ARHGEF9: variants seen among roughly 807,000 people sequenced by gnomAD.
ARHGEF9 encodes the protein rho guanine nucleotide exchange factor 9.
In ARHGEF9, 2 loss-of-function variants were observed where a neutral mutation model predicts 41.3. That is an observed-to-expected ratio of 0.05 (90% CI 0.02 to 0.15). The LOEUF (loss-of-function observed/expected upper bound fraction) is 0.15, where lower values mean the gene tolerates loss of function less well. Among genes scored for constraint, ARHGEF9 ranks in the 10% least tolerant of loss-of-function variants. The pLI is 1.00. For missense variants in ARHGEF9, 225 were observed against 424.7 expected, an observed-to-expected ratio of 0.53 and a Z score of 4.13; for synonymous variants, 160 against 154.4, an observed-to-expected ratio of 1.04 and a Z score of -0.27.
chrX:63,663,760 C>G (rs1211390316), intron 7 of ARHGEF9, among the ~76,000 whole-genome samples: 2 of 112,227 alleles, frequency 1.8e-5, no homozygotes, highest in African/African-American at 6.5e-5. Flanking sequence ...CTCTGCATAC[C>G]TTCTTTTGGT....
intron 3 of ARHGEF9, among the ~76,000 whole-genome samples, chrX:63,699,686 A>G (rs1180793770): frequency 1.8e-5 from 2 of 112,033 alleles, no homozygotes; most frequent in Non-Finnish European, 3.8e-5. Context: ...GGACCTTAGA[A>G]TGTTTTATCA....
In ARHGEF9 at chrX:63,697,146, T is replaced by C; in HGVS notation, c.561A>G (p.Ile187Met). The change falls in exon 4 of 10, where the codon ATA becomes ATG. Residue 187 changes from isoleucine (I) to methionine (M), a missense_variant. Ile to Met is a conservative substitution (Grantham distance 10). Around this residue, in one of 3 missense-constraint regions of ARHGEF9, gnomAD observed 114 missense variants for 197.9 expected, o/e 0.58. Coordinates refer to ENST00000671741, the MANE Select transcript of ARHGEF9 (RefSeq NM_001353921.2). ...TTACGTGCTCTAGGAAGCAGGGTCC[T>C]ATCTCGCTGAGGTGGGGGTCATCAT... The part of the protein sequence containing the change: ...YNNDDPHLSE[I>M]GPCFLEHQDG... The C allele has an allele frequency of 8.3e-7, 1 of 1,210,354 alleles. No individual in the cohort carries two copies. The highest frequency in any genetic ancestry group is 1.1e-6 in the Non-Finnish European group (1 of 894,871).
At chrX:63,665,785 A>G (rs2049497968) in intron 7 of ARHGEF9, 101 bp downstream of exon 7, 2 of 1,031,376 alleles carry the variant, frequency 1.9e-6, no homozygotes, top group Non-Finnish European at 2.7e-6. Flanking sequence ...TCCCCCCATC[A>G]GTATTTGCCC....
chrX:63,734,113 G>C (rs1193353089), intron 1 of ARHGEF9, among the ~76,000 whole-genome samples: 2 of 112,072 alleles, frequency 1.8e-5, no homozygotes, highest in African/African-American at 6.5e-5. Context: ...CAGCCAAATG[G>C]GCCCAGGAGT....
At chrX:63,647,835 A>C (rs1462414574) in intron 8 of ARHGEF9, among the ~76,000 whole-genome samples, 18 of 111,462 alleles carry the variant, frequency 1.6e-4, no homozygotes, top group African/African-American at 3.3e-4. Context: ...CCTCTGGTAG[A>C]ATTTGGCTGT....
At position 63,635,283 on chromosome X, in the gene ARHGEF9, AG is replaced by A. The variant is rs782617993; in HGVS notation, c.*2744del. ...ATCCATTAGAAATATACACATAGAG[AG>A]GGGGGGAAAAAGAGAGAATAATTAG... is the stretch of plus-strand genomic sequence containing the variant. On this transcript the variant is annotated 3_prime_UTR_variant, in exon 10 of 10. Transcript: ENST00000671741. 42 of 509,772 alleles carry A rather than the reference AG, an allele frequency of 8.2e-5. No individual in the cohort carries two copies. Among genetic ancestry groups the A allele is most frequent in the African/African-American group, 1.2e-4 (5 of 40,708 alleles). 42.0% of individuals were successfully genotyped at this position (509,772 alleles called of 1,213,427 possible).
chrX:63,748,818 C>T (rs1410694428), intron 1 of ARHGEF9, among the ~76,000 whole-genome samples: 1 of 112,118 alleles, frequency 8.9e-6, no homozygotes, highest in Non-Finnish European at 1.9e-5. Flanking sequence ...TAGAAGGCTG[C>T]ATTATTAGAC....
intron 2 of ARHGEF9, among the ~76,000 whole-genome samples, chrX:63,707,136 C>T (rs1213205246): frequency 3.6e-5 from 4 of 111,258 alleles, no homozygotes; most frequent in Non-Finnish European, 7.5e-5. Flanking sequence ...TATCCCAAGT[C>T]GCACAGGAAG....
At chrX:63,687,388 A>T (rs1295909314) in intron 4 of ARHGEF9, among the ~76,000 whole-genome samples, 1 of 111,725 alleles carries the variant, frequency 9.0e-6, no homozygotes, top group African/African-American at 3.3e-5. Context: ...AGACAGACAT[A>T]CTTCTGAAAG....
rs2050362809 is a variant in ARHGEF9 at position 63,677,852 on chromosome X, A to AGTTTTG, written c.815+487_815+488insCAAAAC. 2.7e-5 allele frequency among the ~76,000 whole-genome samples: 3 copies of AGTTTTG among 112,135 alleles called. No individual in the cohort carries two copies. The Admixed American group carries it at 2.8e-4, about 11-fold the overall frequency. On this transcript the variant is annotated intron_variant, in intron 5 of 9. Transcript: ENST00000671741. Reference sequence around the variant, plus strand: ...ACTAACATAGCTTTGAGCTATGCTTAAAAACTTTTTTCTGGAACTTTTAAG... The same window carrying AGTTTTG: ...ACTAACATAGCTTTGAGCTATGCTTAGTTTTGAAAACTTTTTTCTGGAACTTTTAAG...
chrX:63,703,195 A>C (rs2052302754), intron 3 of ARHGEF9: 1 of 112,358 alleles, frequency 8.9e-6, no homozygotes, highest in Non-Finnish European at 1.9e-5. Context: ...TTGTTGAAAA[A>C]TAAGGAACCA....
At chrX:63,663,929 C>T (rs1602290761) in intron 7 of ARHGEF9, among the ~76,000 whole-genome samples, 1 of 112,227 alleles carries the variant, frequency 8.9e-6, no homozygotes, top group Non-Finnish European at 1.9e-5. Flanking sequence ...GTGTCAAGAA[C>T]ACCCAGGTAT....
chrX:63,687,999 G>A (rs2051092313), intron 4 of ARHGEF9, among the ~76,000 whole-genome samples: 1 of 110,827 alleles, frequency 9.0e-6, no homozygotes, highest in Non-Finnish European at 1.9e-5. Context: ...AAATATCCAG[G>A]TACAGGGTTA....
At chrX:63,734,408 G>T (rs376924512) in intron 1 of ARHGEF9, among the ~76,000 whole-genome samples, 1 of 112,030 alleles carries the variant, frequency 8.9e-6, no homozygotes, top group Non-Finnish European at 1.9e-5. Context: ...CACTTCTGAC[G>T]CATTACAACA....
chrX:63,648,707 T>C (rs2048307440), intron 8 of ARHGEF9, among the ~76,000 whole-genome samples: 1 of 110,618 alleles, frequency 9.0e-6, no homozygotes, highest in Admixed American at 9.7e-5. Flanking sequence ...AGGAAACCCA[T>C]CTCACATGCA....
intron 7 of ARHGEF9, among the ~76,000 whole-genome samples, chrX:63,661,291 C>T (rs1359466672): frequency 1.3e-4 from 14 of 111,578 alleles, no homozygotes; most frequent in African/African-American, 3.6e-4. Context: ...CATCATTACA[C>T]GTTGTTTAGT....
chrX:63,679,838 G>C (rs1208766716), intron 4 of ARHGEF9, among the ~76,000 whole-genome samples: 1 of 111,547 alleles, frequency 9.0e-6, no homozygotes, highest in Non-Finnish European at 1.9e-5. Flanking sequence ...ATCCCGGCCA[G>C]TGAAATAAGA....
In ARHGEF9 at chrX:63,752,050, A is replaced by G. The variant is rs1219174542; in HGVS notation, c.31-27339T>C. Among the ~76,000 whole-genome samples, 3 of 111,700 alleles carry G rather than the reference A, an allele frequency of 2.7e-5. No homozygotes were observed. The East Asian group carries it at 8.5e-4, about 31-fold the overall frequency. On this transcript the variant is annotated intron_variant, in intron 1 of 9. Transcript: ENST00000671741. ...AAAAGCATTCCCTTATTGCTGTCCC[A>G]GTTTCCTTCCCAAATAACTAGGCAA... is the stretch of plus-strand genomic sequence containing the variant.
chrX:63,648,418 G>C (rs781904659), intron 8 of ARHGEF9, among the ~76,000 whole-genome samples: 124 of 111,177 alleles, frequency 1.1e-3, no homozygotes, highest in Middle Eastern at 4.6e-3. Context: ...TTTGTCACCA[G>C]CAGGCCTGCC....
Sources: gnomAD v4.1 joint callset for allele counts (sites outside exome capture counted in the v4.1 genomes callset) on GRCh38, gnomAD v4.1.1 for gene constraint, gnomAD v4.1.1 regional missense constraint, MANE v1.5 for transcripts, NCBI Gene and HGNC (gene_info 2026-07-23, HGNC 2026-07-21) for gene names.